DDHD1: variants seen among roughly 807,000 people sequenced by gnomAD.
DDHD1 encodes the protein DDHD domain containing 1.
In DDHD1, 49 loss-of-function variants were observed where a neutral mutation model predicts 96.4. That is an observed-to-expected ratio of 0.51 (90% CI 0.40 to 0.64). DDHD1 has a LOEUF of 0.64. DDHD1 is among the 30% of genes least tolerant of loss of function. The probability of loss-of-function intolerance (pLI) is 0.00; values close to 1 mark genes in which losing one functional copy is unlikely to be tolerated. For synonymous variants in DDHD1, 442 were observed against 446.5 expected (o/e 0.99, Z 0.13); for missense variants, 1,106 against 1,161.2 (o/e 0.95, Z 0.69).
chr14:53,142,463 A>T (rs1890705618), intron 1 of DDHD1, among the ~76,000 whole-genome samples: 1 of 151,312 alleles, frequency 6.6e-6, no homozygotes, highest in South Asian at 2.1e-4. Context: ...GGCATGGCAA[A>T]AAAAAAAAAA....
rs1449034291 is a variant in DDHD1, at chr14:53,073,798, C to CA, written c.1338dup (p.Ala447CysfsTer5). On this transcript the variant is annotated frameshift_variant, in exon 5 of 13. Transcript: ENST00000673822. LOFTEE classifies it high-confidence loss of function. ...ACAGGCAGAAATTCAACATGTGTTG[C>CA]ATGGTTGGAAAAATGCCTTTCTTCT... 1 of 1,610,980 alleles carries CA rather than the reference C, an allele frequency of 6.2e-7. No individual in the cohort carries two copies. The highest frequency in any genetic ancestry group is 8.5e-7 in the Non-Finnish European group (1 of 1,178,060).
intron 1 of DDHD1, among the ~76,000 whole-genome samples, chr14:53,139,301 A>C (rs2139873925): frequency 6.6e-6 from 1 of 152,198 alleles, no homozygotes; most frequent in South Asian, 2.1e-4. Context: ...CACCATCATC[A>C]CCAAGTTAGG....
At chr14:53,133,556 C>A (rs924279849) in intron 1 of DDHD1, among the ~76,000 whole-genome samples, 2 of 152,196 alleles carry the variant, frequency 1.3e-5, no homozygotes, top group African/African-American at 4.8e-5. Flanking sequence ...AGACACACCT[C>A]ACCAAACTCA....
intron 2 of DDHD1, among the ~76,000 whole-genome samples, chr14:53,097,850 T>C (rs1887000493): frequency 6.6e-6 from 1 of 151,894 alleles, no homozygotes; most frequent in Non-Finnish European, 1.5e-5. Context: ...AACACCCCTA[T>C]ACACAGAGAA....
intron 1 of DDHD1, among the ~76,000 whole-genome samples, chr14:53,120,394 A>G (rs963085714): frequency 2.6e-5 from 4 of 152,228 alleles, no homozygotes; most frequent in Admixed American, 2.0e-4. Context: ...TATAAATTCA[A>G]TGATATTCCC....
At chr14:53,124,761 G>T (rs1405540471) in intron 1 of DDHD1, among the ~76,000 whole-genome samples, 1 of 152,190 alleles carries the variant, frequency 6.6e-6, no homozygotes, top group Non-Finnish European at 1.5e-5. Context: ...TTAATGAAAA[G>T]ATTTATTGTC....
rs532584648 is a variant in DDHD1 at position 53,072,782 on chromosome 14, T to C, written c.1397-79A>G. On this transcript the variant is annotated intron_variant, in intron 5 of 12. Coordinates refer to ENST00000673822, the MANE Select transcript of DDHD1 (RefSeq NM_001160148.2). ...GAAAGTAATAGTGAAGAAAATTACG[T>C]TGCCTGAAATAGTAACTATTTAAGT... 35 of 816,520 alleles carry C rather than the reference T, an allele frequency of 4.3e-5. No homozygotes were observed. The South Asian group carries it at 7.2e-4, about 17-fold the overall frequency. The allele number at this position is 816,520 out of a possible 1,614,324, so 50.6% of individuals were successfully genotyped here.
chr14:53,115,561 G>A (rs1387961611), intron 1 of DDHD1, among the ~76,000 whole-genome samples: 1 of 152,144 alleles, frequency 6.6e-6, no homozygotes, highest in African/African-American at 2.4e-5. Context: ...GAAGACAGTG[G>A]GGGCCAATAT....
At chr14:53,072,113 A>T (rs1011923405) in intron 6 of DDHD1, among the ~76,000 whole-genome samples, 1 of 152,100 alleles carries the variant, frequency 6.6e-6, no homozygotes, top group Non-Finnish European at 1.5e-5. Flanking sequence ...TTTCCCTCTT[A>T]TCAATAAAGT....
intron 7 of DDHD1, chr14:53,061,407 T>C (rs1883542805): frequency 2.3e-6 from 1 of 434,088 alleles, no homozygotes; most frequent in East Asian, 3.8e-5. Flanking sequence ...GTACCGCTAG[T>C]TGTCATGATA....
chr14:53,119,980 G>A (rs1057260704), intron 1 of DDHD1, among the ~76,000 whole-genome samples: 2 of 152,120 alleles, frequency 1.3e-5, no homozygotes, highest in African/African-American at 4.8e-5. Flanking sequence ...AAGAAATAAA[G>A]GGTATTCAAA....
intron 4 of DDHD1, among the ~76,000 whole-genome samples, chr14:53,081,617 C>T (rs1359568468): frequency 6.6e-6 from 1 of 152,112 alleles, no homozygotes; most frequent in African/African-American, 2.4e-5. Context: ...AATGCACAGG[C>T]CAGCCATCAT....
intron 1 of DDHD1, among the ~76,000 whole-genome samples, chr14:53,147,878 C>T (rs961417555): frequency 6.6e-6 from 1 of 152,096 alleles, no homozygotes; most frequent in African/African-American, 2.4e-5. Context: ...CCTTCTACCC[C>T]CTGGGACTCC....
intron 1 of DDHD1, among the ~76,000 whole-genome samples, chr14:53,109,522 T>C (rs1027485675): frequency 6.6e-6 from 1 of 152,160 alleles, no homozygotes; most frequent in African/African-American, 2.4e-5. Flanking sequence ...TAAAAATTCA[T>C]GGTATCATCT....
At chr14:53,114,817 T>G (rs983387870) in intron 1 of DDHD1, among the ~76,000 whole-genome samples, 5 of 152,020 alleles carry the variant, frequency 3.3e-5, no homozygotes, top group Admixed American at 1.3e-4. Context: ...AAGCCTCTTC[T>G]CCTCCAAATT....
rs550993419 is a variant in DDHD1, at chr14:53,120,189, C to G, written c.839-16333G>C. ...CAGAGAGCCAAATCATGAGTGAACTCCTATTCACAATTGCTAGAAGCAAAA... is the reference window on the plus strand; with the variant it reads ...CAGAGAGCCAAATCATGAGTGAACTGCTATTCACAATTGCTAGAAGCAAAA... On this transcript the variant is annotated intron_variant, in intron 1 of 12. Transcript: ENST00000673822. 2.6e-5 allele frequency among the ~76,000 whole-genome samples: 4 copies of G among 152,268 alleles called. No individual in the cohort carries two copies. The East Asian group carries it at 7.7e-4, about 29-fold the overall frequency.
intron 1 of DDHD1, among the ~76,000 whole-genome samples, chr14:53,107,327 T>A (rs1887760886): frequency 6.6e-6 from 1 of 152,116 alleles, no homozygotes; most frequent in Non-Finnish European, 1.5e-5. Context: ...CACAAGCACT[T>A]CAAAACCACC....
rs1429570734 is a variant in DDHD1, at chr14:53,058,395, G to A, written c.1992+82C>T. 1.2e-5 allele frequency: 18 copies of A among 1,462,542 alleles called. No individual in the cohort carries two copies. In the African/African-American group the frequency reaches 1.6e-4, roughly 13 times the overall value. The allele number at this position is 1,462,542 out of a possible 1,614,324, so 90.6% of individuals were successfully genotyped here. On this transcript the variant is annotated intron_variant, in intron 9 of 12. Coordinates refer to ENST00000673822, the MANE Select transcript of DDHD1 (RefSeq NM_001160148.2). ...CTCCCAAAGTGCTGGGATTACAAGC[G>A]TGAGCCACTGTGCCCAGCTGATAGA...
chr14:53,078,896 G>A (rs187670977), intron 4 of DDHD1, among the ~76,000 whole-genome samples: 57 of 152,102 alleles, frequency 3.7e-4, no homozygotes, highest in Middle Eastern at 3.4e-3. Flanking sequence ...CTAATTTCCC[G>A]AGTGCTTTTA....
Sources: allele counts gnomAD v4.1 joint callset (sites outside exome capture counted in the v4.1 genomes callset), GRCh38; gene constraint gnomAD v4.1.1; transcripts MANE v1.5; gene names NCBI Gene and HGNC (gene_info 2026-07-23, HGNC 2026-07-21).